Variants in LENG8 observed in about 807,000 individuals in gnomAD.
LENG8 encodes leukocyte receptor cluster (LRC) member 8.
A neutral mutation model predicts 102.1 loss-of-function variants in LENG8; 28 were observed. The observed-to-expected ratio is 0.27, with a 90% CI of 0.20 to 0.38. The LOEUF (loss-of-function observed/expected upper bound fraction) is 0.38, where lower values mean the gene tolerates loss of function less well. Ranked by LOEUF, LENG8 falls within the 10% of genes least tolerant of loss-of-function variation. LENG8 has a pLI of 1.00. For missense variants in LENG8, 1,022 were observed against 1,113.9 expected (o/e 0.92, Z 1.17); for synonymous variants, 531 against 456.7 (o/e 1.16, Z -2.07).
In LENG8 at chr19:54,452,745, A is replaced by G. The variant is rs2084019359; in HGVS notation, c.308A>G (p.Tyr103Cys). ...YNYAYPYSYY[Y>C]PMSMYQSYGS... is the part of the protein sequence containing the mutation. ...TATGCCTACCCCTACAGCTACTACT[A>G]TCCCATGGTGAGTGCCCAGCCAGTG... The change falls in exon 4 of 16, where the codon TAT becomes TGT. Residue 103 changes from tyrosine to cysteine, a missense_variant. By Grantham distance (194) the Tyr-to-Cys change is radical. Around this residue, in one of 7 missense-constraint regions of LENG8, gnomAD observed 343 missense variants for 320.2 expected, o/e 1.07. Coordinates refer to ENST00000326764, the MANE Select transcript of LENG8 (RefSeq NM_052925.4). 1.2e-6 allele frequency: 2 copies of G among 1,611,486 alleles called. No individual in the cohort carries two copies. Among genetic ancestry groups the G allele is most frequent in the Non-Finnish European group, 8.5e-7 (1 of 1,177,678 alleles).
intron 8 of LENG8, 150 bp from the exon 9 acceptor site, chr19:54,455,817 T>TCG (rs2084201747): frequency 1.1e-6 from 1 of 879,436 alleles, no homozygotes; most frequent in African/African-American, 1.7e-5. Context: ...AAACCTGGGT[T>TCG]CGCGTCTCAT....
chr19:54,460,213 G>A (rs78331396), intron 15 of LENG8: 22,352 of 1,289,414 alleles, frequency 0.017, 520 homozygotes, highest in African/African-American at 0.097. Context: ...GGGTAGGGCT[G>A]CACCCTGTGG....
intron 1 of LENG8, among the ~76,000 whole-genome samples, chr19:54,449,951 C>G (rs111292730): frequency 1.3e-5 from 2 of 152,184 alleles, no homozygotes; most frequent in East Asian, 1.9e-4. Flanking sequence ...GTTTCTAGGG[C>G]TTTTCCCCAG....
chr19:54,458,605 G>C, intron 15 of LENG8, 84 bp downstream of exon 15: 1 of 1,586,662 alleles, frequency 6.3e-7, no homozygotes, highest in Non-Finnish European at 8.6e-7. Flanking sequence ...CCTGGCCGCA[G>C]GCCTCCCCCA....
intron 15 of LENG8, chr19:54,460,375 G>C (rs559788878): frequency 8.3e-7 from 1 of 1,205,364 alleles, no homozygotes; most frequent in South Asian, 1.6e-5. Flanking sequence ...CTGTAACGCA[G>C]GGCAGGGGAG....
At chr19:54,456,291 G>A (rs540205292) in intron 9 of LENG8, 34 bp from the exon 10 acceptor site, 20 of 1,614,096 alleles carry the variant, frequency 1.2e-5, no homozygotes, top group East Asian at 2.2e-5. Context: ...AGGGGGAGGC[G>A]TTTCAGGCCT....
In LENG8 at chr19:54,454,084, T is replaced by G. The variant is rs371941188; in HGVS notation, c.427-346T>G. Among the ~76,000 whole-genome samples, 18 of 151,918 alleles carry G rather than the reference T, an allele frequency of 1.2e-4. No homozygotes were observed. The East Asian group carries it at 3.3e-3, about 28-fold the overall frequency. On this transcript the variant is annotated intron_variant, in intron 5 of 15. Coordinates refer to ENST00000326764, the MANE Select transcript of LENG8 (RefSeq NM_052925.4). The stretch of plus-strand genomic sequence containing the variant: ...TAGCCTCATCCTTGGGCTCCATGAG[T>G]GTGTGTGCTCATGGGTGTCTTGTGC...
intron 4 of LENG8, among the ~76,000 whole-genome samples, chr19:54,453,328 C>T (rs939077383): frequency 6.6e-6 from 1 of 152,130 alleles, no homozygotes; most frequent in Admixed American, 6.5e-5. Flanking sequence ...CACTCAGTAT[C>T]GTTGATTATA....
At chr19:54,455,181 G>A in intron 7 of LENG8, 89 bp downstream of exon 7, 2 of 1,570,516 alleles carry the variant, frequency 1.3e-6, no homozygotes, top group Non-Finnish European at 1.7e-6. Flanking sequence ...CCCACCCTGA[G>A]CCTCAGTGTG....
intron 5 of LENG8, among the ~76,000 whole-genome samples, chr19:54,453,869 T>G (rs1281594802): frequency 6.6e-6 from 1 of 152,136 alleles, no homozygotes; most frequent in East Asian, 1.9e-4. Flanking sequence ...TTGAAAGACA[T>G]CTCATCTTTT....
intron 11 of LENG8, among the ~76,000 whole-genome samples, chr19:54,457,317 C>T (rs1488587757): frequency 6.6e-6 from 1 of 152,152 alleles, no homozygotes; most frequent in Non-Finnish European, 1.5e-5. Context: ...TGGAGGTGGC[C>T]ACTCTTAACC....
chr19:54,456,139 A>G lies in LENG8; in HGVS notation c.1198A>G (p.Lys400Glu). Reference sequence around the variant, plus strand: ...TCGAGCCCGGGGCAACAGCTTCACCAAGTTTGGCAACCGCAACGTCTTCAT... The same window carrying G: ...TCGAGCCCGGGGCAACAGCTTCACCGAGTTTGGCAACCGCAACGTCTTCAT... ...AGRARGNSFT[K>E]FGNRNVFMKD... The change falls in exon 9 of 16, where the codon AAG (lysine) becomes GAG (glutamate). Residue 400 changes from lysine (K) to glutamate (E), a missense_variant. Lys to Glu is a moderately conservative substitution (Grantham distance 56, BLOSUM62 1). Around this residue, in one of 7 missense-constraint regions of LENG8, gnomAD observed 326 missense variants for 324.5 expected, o/e 1.00. Transcript: ENST00000326764. 6.2e-7 allele frequency: 1 copy of G among 1,610,912 alleles called. No individual in the cohort carries two copies. The highest frequency in any genetic ancestry group is 8.5e-7 in the Non-Finnish European group (1 of 1,177,864).
At chr19:54,460,662 A>T in intron 15 of LENG8, 104 bp from the exon 16 acceptor site, 2 of 1,450,338 alleles carry the variant, frequency 1.4e-6, no homozygotes, top group Non-Finnish European at 1.8e-6. Flanking sequence ...CACTGTGCTG[A>T]GGAAATCCTG....
Position 54,458,479 on chromosome 19 carries a change from C to T in LENG8, c.2198C>T (p.Ala733Val), listed in dbSNP as rs756892790. ...CMSGYLVDKF[A>V]DRERKVALKA... ...TCTGGCTACCTCGTGGACAAGTTTG[C>T]AGATCGGGAGCGCAAGGTCGCCCTC... The change falls in exon 15 of 16, where the codon GCA (alanine) becomes GTA (valine). Residue 733 changes from alanine to valine, a missense_variant. This residue lies in a region of LENG8 where 129 missense variants were observed against 123.0 expected (regional missense o/e 1.05). Transcript: ENST00000326764. The T allele has an allele frequency of 2.5e-6, 4 of 1,614,270 alleles. No individual in the cohort carries two copies. Among genetic ancestry groups the T allele is most frequent in the South Asian group, 1.1e-5 (1 of 91,090 alleles).
intron 15 of LENG8, 126 bp downstream of exon 15, chr19:54,458,647 CCAT>C (rs1170109118): frequency 5.8e-6 from 9 of 1,555,890 alleles, no homozygotes; most frequent in African/African-American, 4.1e-5. Context: ...CCTTGCTTCC[CCAT>C]CATCTTTCTC....
intron 15 of LENG8, chr19:54,459,803 GCA>G (rs1231599227): frequency 3.5e-6 from 4 of 1,151,222 alleles, no homozygotes; most frequent in Non-Finnish European, 4.3e-6. Context: ...GGGGTGCCGT[GCA>G]CAGAGCTCCA....
intron 15 of LENG8, chr19:54,459,894 G>A: frequency 2.6e-6 from 3 of 1,170,498 alleles, no homozygotes; most frequent in Non-Finnish European, 3.2e-6. Context: ...CATGAATGGT[G>A]GCTCTCAAGC....
chr19:54,452,618 C>T (rs1156515079), intron 3 of LENG8, 33 bp from the exon 4 acceptor site: 1 of 1,528,802 alleles, frequency 6.5e-7, no homozygotes, highest in Non-Finnish European at 8.9e-7. Context: ...TGGATTTGGG[C>T]TGCTGACGGC....
At position 54,452,674 on chromosome 19, in the gene LENG8, A is replaced by G. The variant is rs371788878; in HGVS notation, c.237A>G (p.Ser79=). The change falls in exon 4 of 16, where the codon TCA becomes TCG. Residue 79 remains serine, a synonymous_variant. Coordinates refer to ENST00000326764, the MANE Select transcript of LENG8 (RefSeq NM_052925.4). ...SAQYVSQAEA[S]ALQQQQYYQW... ...AGTACGTGTCCCAGGCAGAAGCCTC[A>G]GCTTTGCAGCAGCAGCAGTACTACC... is the stretch of plus-strand genomic sequence containing the variant. 3.0e-5 allele frequency: 49 copies of G among 1,614,046 alleles called. No individual in the cohort carries two copies. Among genetic ancestry groups the G allele is most frequent in the Non-Finnish European group, 4.2e-5 (49 of 1,179,940 alleles).
Sources: gnomAD v4.1 joint callset for allele counts (sites outside exome capture counted in the v4.1 genomes callset) on GRCh38, gnomAD v4.1.1 for gene constraint, gnomAD v4.1.1 regional missense constraint, MANE v1.5 for transcripts, NCBI Gene and HGNC (gene_info 2026-07-23, HGNC 2026-07-21) for gene names.